Variants in CNGA1 observed in about 807,000 individuals in gnomAD.
The protein encoded by CNGA1 is cyclic nucleotide-gated channel alpha-1.
A neutral mutation model predicts 69.7 loss-of-function variants in CNGA1; 53 were observed. That is an observed-to-expected ratio of 0.76 (90% CI 0.61 to 0.96). CNGA1 has a LOEUF of 0.96. CNGA1 is among the 40% of genes least tolerant of loss of function. CNGA1 has a pLI of 0.00. For synonymous variants in CNGA1, 249 were observed against 283.5 expected (o/e 0.88, Z 1.22); for missense variants, 739 against 811.2 (o/e 0.91, Z 1.08).
chr4:47,951,116 C>T (rs568405166), intron 5 of CNGA1, among the ~76,000 whole-genome samples: 1 of 152,340 alleles, frequency 6.6e-6, no homozygotes. Flanking sequence ...GTAATTCCTC[C>T]TGAGATCCCA....
intron 2 of CNGA1, among the ~76,000 whole-genome samples, chr4:47,988,977 G>GCT (rs1742114663): frequency 6.7e-6 from 1 of 150,258 alleles, no homozygotes; most frequent in Non-Finnish European, 1.5e-5. Context: ...ATTGTTCTTA[G>GCT]TTTTAAAAAA....
intron 3 of CNGA1, among the ~76,000 whole-genome samples, chr4:47,958,672 C>T (rs1355553690): frequency 6.6e-6 from 1 of 151,940 alleles, no homozygotes; most frequent in African/African-American, 2.4e-5. Context: ...GAATCCAGCA[C>T]ACCCTCCTTT....
intron 3 of CNGA1, among the ~76,000 whole-genome samples, chr4:47,972,140 A>T (rs1741081183): frequency 6.6e-6 from 1 of 152,136 alleles, no homozygotes; most frequent in Non-Finnish European, 1.5e-5. Flanking sequence ...TGCTTTTTTC[A>T]CTTGAAACCA....
At chr4:47,999,030 C>T (rs1331811314) in intron 2 of CNGA1, among the ~76,000 whole-genome samples, 1 of 152,182 alleles carries the variant, frequency 6.6e-6, no homozygotes, top group African/African-American at 2.4e-5. Flanking sequence ...AATGCCAAGT[C>T]ATTCACCTCC....
intron 3 of CNGA1, among the ~76,000 whole-genome samples, chr4:47,977,018 GGAAAT>G (rs541749832): frequency 2.6e-4 from 40 of 152,194 alleles, no homozygotes; most frequent in Non-Finnish European, 4.7e-4. Flanking sequence ...CGACAGTAGA[GGAAAT>G]GAGCTTTCTT....
rs1023989526 is a variant in CNGA1, at chr4:47,952,691, G to T, written c.-2C>A. 8 of 1,587,266 alleles carry T rather than the reference G, an allele frequency of 5.0e-6. No individual in the cohort carries two copies. Among genetic ancestry groups the T allele is most frequent in the Non-Finnish European group, 6.9e-6 (8 of 1,164,172 alleles). On this transcript the variant is annotated 5_prime_UTR_variant, in exon 4 of 11. Transcript: ENST00000514170. ...TGTATTGATAATATTGTTCTTCATG[G>T]ATAGTTTCATATCTGAGGAGAAAGA...
rs534227119 is a variant in CNGA1 at position 47,941,302 on chromosome 4, T to A, written c.546-433A>T. On this transcript the variant is annotated intron_variant, in intron 9 of 10. Coordinates refer to ENST00000514170, the MANE Select transcript of CNGA1 (RefSeq NM_001379270.1). ...CAAAATTTCACATGTACCCGATAAA[T>A]TTGTACAAAAAAATCTTTAAATAAA... 5.9e-5 allele frequency among the ~76,000 whole-genome samples: 9 copies of A among 152,168 alleles called. No homozygotes were observed. The East Asian group carries it at 1.5e-3, about 26-fold the overall frequency.
At chr4:47,985,527 A>C (rs953153935) in intron 2 of CNGA1, among the ~76,000 whole-genome samples, 1 of 152,206 alleles carries the variant, frequency 6.6e-6, no homozygotes, top group African/African-American at 2.4e-5. Context: ...AATTAAATAA[A>C]ACAGGGTAAT....
At chr4:48,013,516 G>A (rs900181822) in intron 1 of CNGA1, among the ~76,000 whole-genome samples, 1 of 152,194 alleles carries the variant, frequency 6.6e-6, no homozygotes. Context: ...AACCAGGGAC[G>A]GGGCTTTCCA....
At chr4:47,997,234 T>C (rs972476020) in intron 2 of CNGA1, among the ~76,000 whole-genome samples, 1 of 152,216 alleles carries the variant, frequency 6.6e-6, no homozygotes, top group Non-Finnish European at 1.5e-5. Context: ...ATCTATGTGA[T>C]ATAAGCCTCC....
At chr4:47,942,536 A>G (rs2110140604) in intron 8 of CNGA1, among the ~76,000 whole-genome samples, 1 of 152,260 alleles carries the variant, frequency 6.6e-6, no homozygotes, top group Admixed American at 6.5e-5. Context: ...AGTCAGTTGT[A>G]TACCTCAGCC....
intron 2 of CNGA1, among the ~76,000 whole-genome samples, chr4:47,989,452 C>T (rs1047474495): frequency 6.6e-6 from 1 of 152,110 alleles, no homozygotes; most frequent in Non-Finnish European, 1.5e-5. Flanking sequence ...GAGTTGTACA[C>T]TTACCAGGGT....
At chr4:48,003,972 C>G (rs1387814413) in intron 2 of CNGA1, among the ~76,000 whole-genome samples, 1 of 152,024 alleles carries the variant, frequency 6.6e-6, no homozygotes, top group African/African-American at 2.4e-5. Flanking sequence ...TCAGGCCCGC[C>G]CGCAGTTATC....
intron 2 of CNGA1, among the ~76,000 whole-genome samples, chr4:47,990,698 A>C (rs931034424): frequency 3.3e-5 from 5 of 152,096 alleles, no homozygotes; most frequent in Admixed American, 1.3e-4. Flanking sequence ...GGTCCTACTA[A>C]TATGTGATGG....
In CNGA1 at chr4:47,976,230, T is replaced by C. The variant is rs1322286875; in HGVS notation, c.-15+5163A>G. Among the ~76,000 whole-genome samples, 19 of 64,620 alleles carry C rather than the reference T, an allele frequency of 2.9e-4. 1 individual carries two copies. Among genetic ancestry groups the C allele is most frequent in the Non-Finnish European group, 7.1e-5 (3 of 42,212 alleles). The allele number at this position is 64,620 out of a possible 152,430, so 42.4% of individuals were successfully genotyped here. On this transcript the variant is annotated intron_variant, in intron 3 of 10. Transcript: ENST00000514170. ...ATATATATACACATACATATATATA[T>C]ACATATATATGTATATATATATACA...
chr4:47,943,399 T>A lies in CNGA1; in HGVS notation c.301A>T (p.Lys101Ter). The change falls in exon 7 of 11, where the codon AAA becomes TAA. Residue 101 changes from lysine to a stop codon, truncating the protein, a stop_gained. Transcript: ENST00000514170. LOFTEE classifies it high-confidence loss of function. ...TTCTTTTCTTTTTTCTTTTTCTTTT[T>A]TTCTTCTGGTTCCCTAAAGAAAAAA... The part of the protein sequence containing the change: ...SSNKDQEPEE[K>*]KKKKKEKKSK... 1 of 1,498,250 alleles carries A rather than the reference T, an allele frequency of 6.7e-7. No individual in the cohort carries two copies. The highest frequency in any genetic ancestry group is 9.0e-7 in the Non-Finnish European group (1 of 1,116,310). The allele number at this position is 1,498,250 out of a possible 1,614,324, so 92.8% of individuals were successfully genotyped here.
intron 3 of CNGA1, among the ~76,000 whole-genome samples, chr4:47,954,317 C>A (rs532128938): frequency 6.6e-6 from 1 of 152,276 alleles, no homozygotes; most frequent in South Asian, 2.1e-4. Context: ...GTTCATATGA[C>A]CTGATTTGTC....
chr4:47,936,612 T>G lies in CNGA1; in HGVS notation c.1870A>C (p.Thr624Pro), dbSNP rs1183173979. 4 of 1,614,020 alleles carry G rather than the reference T, an allele frequency of 2.5e-6. No individual in the cohort carries two copies. In the East Asian group the frequency reaches 8.9e-5, roughly 36 times the overall value. The change falls in exon 11 of 11, where the codon ACT (threonine) becomes CCT (proline). Residue 624 changes from threonine to proline, a missense_variant. Physicochemically the swap from Thr to Pro is conservative, Grantham distance 38. Coordinates refer to ENST00000514170, the MANE Select transcript of CNGA1 (RefSeq NM_001379270.1). ...AGGTCTACTGACCCCTCCATTCGAG[T>G]AACCTTCTCTTCAAGATCTTTAGGA... ...SDPKDLEEKV[T>P]RMEGSVDLLQ... is the part of the protein sequence containing the mutation.
intron 3 of CNGA1, among the ~76,000 whole-genome samples, chr4:47,956,571 C>G (rs1405934310): frequency 1.3e-5 from 2 of 152,158 alleles, no homozygotes; most frequent in Non-Finnish European, 2.9e-5. Flanking sequence ...AGAATTAAAG[C>G]TCTTTCTATT....
Sources: allele counts gnomAD v4.1 joint callset (sites outside exome capture counted in the v4.1 genomes callset), GRCh38; gene constraint gnomAD v4.1.1; transcripts MANE v1.5; gene names NCBI Gene and HGNC (gene_info 2026-07-23, HGNC 2026-07-21).